Variants in C16orf46 observed in about 807,000 individuals in gnomAD.
C16orf46 encodes uncharacterized protein C16orf46.
In C16orf46, 7 loss-of-function variants were observed where a neutral mutation model predicts 5.5. The observed-to-expected ratio is 1.28, with a 90% confidence interval of 0.73 to 2.40. The LOEUF (loss-of-function observed/expected upper bound fraction) is 2.40, where lower values mean the gene tolerates loss of function less well. C16orf46 is among the 30% of genes most tolerant of loss of function. The probability of loss-of-function intolerance (pLI) is 0.00; values close to 1 mark genes in which losing one functional copy is unlikely to be tolerated. For synonymous variants in C16orf46, 200 were observed against 184.1 expected (o/e 1.09, Z -0.70); for missense variants, 614 against 476.0 (o/e 1.29, Z -2.70).
At chr16:81,058,488 G>A (rs183850898), downstream of C16orf46, among the ~76,000 whole-genome samples, 53 of 152,268 alleles carry the variant, frequency 3.5e-4, 1 homozygote, top group African/African-American at 1.2e-3. Flanking sequence ...ACCAGATGAG[G>A]AAAAAGGCCA....
chr16:81,068,563 G>GTTTT (rs1481223297), intron 1 of C16orf46, among the ~76,000 whole-genome samples: 4 of 62,508 alleles, frequency 6.4e-5, no homozygotes, highest in Admixed American at 2.8e-4. Flanking sequence ...GTATTTCTTT[G>GTTTT]TATTTTTTTT....
At chr16:81,062,958 C>T (rs1303183399) in intron 3 of C16orf46, among the ~76,000 whole-genome samples, 1 of 148,194 alleles carries the variant, frequency 6.7e-6, no homozygotes, top group African/African-American at 2.5e-5. Context: ...TAAGAGTAAG[C>T]CTGCAGACCA....
In C16orf46 at chr16:81,063,916, C is replaced by T; in HGVS notation, c.40G>A (p.Ala14Thr). Residue 14 changes from alanine to threonine, a missense_variant, in exon 3 of 4, where the codon GCT (alanine) becomes ACT (threonine). Transcript: ENST00000299578. ...CQKNETDLEN[A>T]ENNEIQFTEE... ...GTGAACTGAATTTCATTATTTTCAG[C>T]ATTTTCTAAGTCAGTCTCATTTTTC... 1 of 1,613,682 alleles carries T rather than the reference C, an allele frequency of 6.2e-7. No homozygotes were observed. The highest frequency in any genetic ancestry group is 8.5e-7 in the Non-Finnish European group (1 of 1,179,788).
intron 1 of C16orf46, among the ~76,000 whole-genome samples, chr16:81,072,654 G>C (rs1971896245): frequency 6.6e-6 from 1 of 152,022 alleles, no homozygotes; most frequent in South Asian, 2.1e-4. Flanking sequence ...AAAGTGCTGG[G>C]ATTATAGGCG....
intron 2 of C16orf46, among the ~76,000 whole-genome samples, chr16:81,064,728 C>G (rs947877530): frequency 1.5e-5 from 2 of 135,060 alleles, no homozygotes; most frequent in African/African-American, 5.6e-5. Context: ...GCCTGGGCAA[C>G]AGAGCAAGAC....
downstream of C16orf46, among the ~76,000 whole-genome samples, chr16:81,057,643 T>C (rs546708094): frequency 2.0e-5 from 3 of 150,702 alleles, no homozygotes; most frequent in South Asian, 6.4e-4. Context: ...ACCATCATCA[T>C]CTTTTGAAAC....
downstream of C16orf46, chr16:81,060,847 C>G: frequency 2.2e-6 from 1 of 450,262 alleles, no homozygotes; most frequent in African/African-American, 2.0e-5. Flanking sequence ...TGCGTGGCTT[C>G]TGCTGGGAGT....
Position 81,061,450 on chromosome 16 carries a change from T to C in C16orf46, c.899A>G (p.His300Arg). 1.2e-6 allele frequency: 2 copies of C among 1,614,178 alleles called. No individual in the cohort carries two copies. The highest frequency in any genetic ancestry group is 1.7e-5 in the Admixed American group (1 of 60,020). Residue 300 changes from histidine (H) to arginine (R), a missense_variant, in exon 4 of 4, where the codon CAT becomes CGT. Transcript: ENST00000299578. ...GTTTTTCTCAGACAGGAGGGACCAA[T>C]GCAGGCAGCGCTGCTCCGGATCGGT... is the stretch of plus-strand genomic sequence containing the variant. ...LLTDPEQRCLHWSLLSEKNLA... is the reference protein window; with the variant it reads ...LLTDPEQRCLRWSLLSEKNLA...
At chr16:81,053,950 G>T in exon 4 of C16orf46, 1 of 1,058,464 alleles carries the variant, frequency 9.4e-7, no homozygotes, top group Non-Finnish European at 1.4e-6. Flanking sequence ...TGCTTGCAGC[G>T]TTTGACTCTC....
chr16:81,074,622 A>G (rs1433418483), intron 1 of C16orf46, among the ~76,000 whole-genome samples: 1 of 151,992 alleles, frequency 6.6e-6, no homozygotes, highest in Non-Finnish European at 1.5e-5. Context: ...TGACCTCGTG[A>G]TCCGCCCGCC....
chr16:81,061,393 C>T lies in C16orf46; in HGVS notation c.956G>A (p.Arg319His), dbSNP rs1462678251. ...CAGAAGCTGCAAGGCAGCAAGGTAG[C>T]GAACGTTGCTGGGGTCTGGAGGGCA... is the stretch of plus-strand genomic sequence containing the variant. ...LACPPDPSNV[R>H]YLAALQLLQK... The change falls in exon 4 of 4, where the codon CGC becomes CAC. Residue 319 changes from arginine (R) to histidine (H), a missense_variant. Arg to His is a conservative substitution (Grantham distance 29, BLOSUM62 0). Coordinates refer to ENST00000299578, the MANE Select transcript of C16orf46 (RefSeq NM_152337.3). 5.0e-6 allele frequency: 8 copies of T among 1,614,154 alleles called. No homozygotes were observed. Among genetic ancestry groups the T allele is most frequent in the Middle Eastern group, 1.6e-4 (1 of 6,062 alleles).
chr16:81,059,567 G>A (rs1451718005), downstream of C16orf46, among the ~76,000 whole-genome samples: 2 of 152,018 alleles, frequency 1.3e-5, no homozygotes, highest in Non-Finnish European at 2.9e-5. Flanking sequence ...ACATCACTTG[G>A]CATTTAAAAT....
At chr16:81,065,211 G>A (rs945484521) in intron 2 of C16orf46, among the ~76,000 whole-genome samples, 2 of 152,086 alleles carry the variant, frequency 1.3e-5, no homozygotes, top group Non-Finnish European at 2.9e-5. Flanking sequence ...GATGGCTCAC[G>A]CCTGTAATCC....
rs1228615045 is a variant in C16orf46 at position 81,063,872 on chromosome 16, G to A, written c.84C>T (p.Thr28=). The change falls in exon 3 of 4, where the codon ACC becomes ACT. Residue 28 remains threonine (T), a synonymous_variant. Coordinates refer to ENST00000299578, the MANE Select transcript of C16orf46 (RefSeq NM_152337.3). ...CACTTTTTCCATCTGGACAAGTATA[G>A]GTTGGTTCTGTTTCTTCTGTGAACT... ...EIQFTEETEP[T]YTCPDGKSEK... 3.7e-6 allele frequency: 6 copies of A among 1,613,432 alleles called. No homozygotes were observed. Among genetic ancestry groups the A allele is most frequent in the Non-Finnish European group, 5.1e-6 (6 of 1,179,566 alleles).
chr16:81,067,878 T>C (rs1013135388), intron 1 of C16orf46, among the ~76,000 whole-genome samples: 6 of 152,112 alleles, frequency 3.9e-5, no homozygotes, highest in African/African-American at 4.8e-5. Context: ...AGTAAAGACC[T>C]TGAACAAGGA....
rs1971480179 is a variant in C16orf46 at position 81,061,637 on chromosome 16, C to G, written c.712G>C (p.Glu238Gln). 6.2e-7 allele frequency: 1 copy of G among 1,614,110 alleles called. No homozygotes were observed. Among genetic ancestry groups the G allele is most frequent in the Admixed American group, 1.7e-5 (1 of 60,004 alleles). The part of the protein sequence containing the change: ...KSKNSFLQSE[E>Q]KVLDVEKDGC... ...TCCTTTTCCACATCCAGCACCTTCTCTTCTGACTGCAAGAAAGAGTTCTTA... is the reference window on the plus strand; with the variant it reads ...TCCTTTTCCACATCCAGCACCTTCTGTTCTGACTGCAAGAAAGAGTTCTTA... Residue 238 changes from glutamate to glutamine, a missense_variant, in exon 4 of 4, where the codon GAG becomes CAG. Transcript: ENST00000299578.
intron 1 of C16orf46, among the ~76,000 whole-genome samples, chr16:81,068,482 C>T (rs1000636466): frequency 2.6e-5 from 4 of 151,870 alleles, no homozygotes; most frequent in African/African-American, 9.7e-5. Flanking sequence ...TTTCCAAAGT[C>T]CTGGTAGCTG....
At position 81,063,759 on chromosome 16, in the gene C16orf46, C is replaced by G; in HGVS notation, c.197G>C (p.Gly66Ala). The G allele has an allele frequency of 6.2e-7, 1 of 1,612,928 alleles. No homozygotes were observed. Among genetic ancestry groups the G allele is most frequent in the Admixed American group, 1.7e-5 (1 of 60,004 alleles). ...AAAGATACTCACTGCCTCTTCCCAT[C>G]CAGTTCCAATAATAAACTCTTTGGC... ...EKAKEFIIGT[G>A]WEEAVQGWGR... Residue 66 changes from glycine (G) to alanine (A), a missense_variant, in exon 3 of 4, where the codon GGA becomes GCA. Coordinates refer to ENST00000299578, the MANE Select transcript of C16orf46 (RefSeq NM_152337.3).
At chr16:81,054,896 C>T (rs1971251983) in intron 3 of C16orf46, among the ~76,000 whole-genome samples, 1 of 152,078 alleles carries the variant, frequency 6.6e-6, no homozygotes, top group Admixed American at 6.6e-5. Flanking sequence ...GATTCACCCA[C>T]CTCGGGCTCC....
Sources: allele counts gnomAD v4.1 joint callset (sites outside exome capture counted in the v4.1 genomes callset), GRCh38; gene constraint gnomAD v4.1.1; transcripts MANE v1.5; gene names NCBI Gene and HGNC (gene_info 2026-07-23, HGNC 2026-07-21).